The following FMO5 variants were observed in gnomAD, a reference collection of about 807,000 sequenced individuals.
The protein encoded by FMO5 is flavin-containing monooxygenase 5.
In FMO5, 51 loss-of-function variants were observed where a neutral mutation model predicts 43.6. The observed-to-expected ratio is 1.17, with a 90% CI of 0.93 to 1.48. FMO5 has a LOEUF of 1.48. FMO5 is among the 40% of genes most tolerant of loss of function. The pLI, the probability that FMO5 is intolerant of heterozygous loss-of-function variation, is 0.00. For missense variants in FMO5, 644 were observed against 643.0 expected (o/e 1.00, Z -0.02); for synonymous variants, 187 against 216.5 (o/e 0.86, Z 1.20).
At chr1:147,224,764 C>G in intron 2 of FMO5, 131 bp downstream of exon 2, 2 of 783,924 alleles carry the variant, frequency 2.6e-6, no homozygotes, top group Non-Finnish European at 4.2e-6. Flanking sequence ...CCCGCCTCGG[C>G]CTCCCAAAGT....
In FMO5 at chr1:147,187,014, C is replaced by T; in HGVS notation, c.1488G>A (p.Arg496=). 6.2e-7 allele frequency: 1 copy of T among 1,614,112 alleles called. No individual in the cohort carries two copies. Among genetic ancestry groups the T allele is most frequent in the Non-Finnish European group, 8.5e-7 (1 of 1,179,962 alleles). ...CAACTACTCTTGTCATCAGAGGCTT[C>T]CTGATGCGATCATCTGTGGTGAGGA... ...KAILTTDDRI[R]KPLMTRVVER... Residue 496 remains arginine (R), a synonymous_variant, in exon 9 of 9, where the codon AGG becomes AGA. Transcript: ENST00000254090.
At chr1:147,225,206 A>T (rs1339941771) in intron 1 of FMO5, 81 bp downstream of exon 1, 5 of 1,434,638 alleles carry the variant, frequency 3.5e-6, no homozygotes, top group Middle Eastern at 1.9e-4. Flanking sequence ...TCACCAGAGG[A>T]AATCTTTCTG....
chr1:147,218,573 G>A (rs1283745783), intron 2 of FMO5, among the ~76,000 whole-genome samples: 1 of 152,062 alleles, frequency 6.6e-6, no homozygotes, highest in Non-Finnish European at 1.5e-5. Context: ...CACTCCATGG[G>A]TATCCTGATA....
At chr1:147,207,307 T>C (rs1660273331) in intron 6 of FMO5, among the ~76,000 whole-genome samples, 1 of 152,320 alleles carries the variant, frequency 6.6e-6, no homozygotes, top group East Asian at 1.9e-4. Flanking sequence ...TATAGCAAAC[T>C]TAACAGGTGA....
chr1:147,220,775 C>T (rs1553926054), intron 2 of FMO5, among the ~76,000 whole-genome samples: 1 of 152,094 alleles, frequency 6.6e-6, no homozygotes, highest in African/African-American at 2.4e-5. Flanking sequence ...CAGCCCCATA[C>T]AATTTATCCT....
chr1:147,225,249 C>T, intron 1 of FMO5, 38 bp downstream of exon 1: 1 of 1,296,254 alleles, frequency 7.7e-7, no homozygotes, highest in Non-Finnish European at 1.0e-6. Flanking sequence ...CTGCAAGACC[C>T]AGAGCTGAGA....
intron 5 of FMO5, among the ~76,000 whole-genome samples, 161 bp from the exon 6 acceptor site, chr1:147,209,212 G>T (rs974669467): frequency 9.9e-5 from 15 of 152,122 alleles, no homozygotes; most frequent in African/African-American, 3.6e-4. Context: ...GAGGTCAGGA[G>T]ATCGAGACCA....
At chr1:147,188,682 A>C (rs149292768) in intron 8 of FMO5, among the ~76,000 whole-genome samples, 5,564 of 151,760 alleles carry the variant, frequency 0.037, 144 homozygotes, top group South Asian at 0.095. Context: ...ACATATGTAA[A>C]AAACCTGCAC....
At chr1:147,198,872 A>AAAAAAAAAG (rs1553920319) in intron 7 of FMO5, among the ~76,000 whole-genome samples, 33 of 144,636 alleles carry the variant, frequency 2.3e-4, no homozygotes, top group South Asian at 6.9e-4. Flanking sequence ...AAAAAAAAAA[A>AAAAAAAAAG]AAAGAAAGAA....
At chr1:147,211,054 T>C (rs971763060) in intron 5 of FMO5, 32 of 152,202 alleles carry the variant, frequency 2.1e-4, no homozygotes, top group African/African-American at 4.1e-4. Context: ...AACTCAGCAA[T>C]TGAGTTTCTT....
At chr1:147,188,777 G>T (rs1021655501) in intron 8 of FMO5, among the ~76,000 whole-genome samples, 2 of 149,886 alleles carry the variant, frequency 1.3e-5, no homozygotes, top group Non-Finnish European at 3.0e-5. Context: ...AAAAAAAAAG[G>T]TTACATTATA....
rs201690973 is a variant in FMO5 at position 147,215,918 on chromosome 1, T to C, written c.160A>G (p.Ser54Gly). The stretch of plus-strand genomic sequence containing the variant: ...TTGATGATCACTGATTTGTAAATAC[T>C]GGCCCTTCCTTCTTCAGGATTTTCC... Reference protein sequence around the residue: ...FQENPEEGRASIYKSVIINTS... With the variant: ...FQENPEEGRAGIYKSVIINTS... The change falls in exon 3 of 9, where the codon AGT (serine) becomes GGT (glycine). Residue 54 changes from serine to glycine, a missense_variant. Transcript: ENST00000254090. The C allele has an allele frequency of 6.2e-7, 1 of 1,607,718 alleles. No individual in the cohort carries two copies. Among genetic ancestry groups the C allele is most frequent in the East Asian group, 2.2e-5 (1 of 44,784 alleles).
At chr1:147,225,190 T>G in intron 1 of FMO5, 97 bp downstream of exon 1, 1 of 1,460,690 alleles carries the variant, frequency 6.8e-7, no homozygotes. Context: ...GATTCGACGG[T>G]CCTCTTCACC....
intron 7 of FMO5, among the ~76,000 whole-genome samples, chr1:147,190,832 A>T (rs1208971528): frequency 6.6e-6 from 1 of 151,312 alleles, no homozygotes; most frequent in Non-Finnish European, 1.5e-5. Context: ...ATCCCTCCCC[A>T]CTACCCCCAC....
At chr1:147,194,132 G>A (rs191383455) in intron 7 of FMO5, among the ~76,000 whole-genome samples, 434 of 152,210 alleles carry the variant, frequency 2.9e-3, no homozygotes, top group African/African-American at 8.9e-3. Flanking sequence ...TTATTATTGC[G>A]TGGGAGTCTA....
intron 6 of FMO5, among the ~76,000 whole-genome samples, chr1:147,207,137 T>A (rs905116974): frequency 1.3e-5 from 2 of 152,122 alleles, no homozygotes; most frequent in Non-Finnish European, 2.9e-5. Flanking sequence ...TATATGATGG[T>A]TATGTAGGAG....
At chr1:147,226,492 A>G (rs1663992412), upstream of FMO5, among the ~76,000 whole-genome samples, 1 of 152,204 alleles carries the variant, frequency 6.6e-6, no homozygotes, top group African/African-American at 2.4e-5. Context: ...AATACAAAAT[A>G]TCCACTTCTA....
At chr1:147,200,311 C>T (rs587675426) in intron 7 of FMO5, among the ~76,000 whole-genome samples, 3 of 152,284 alleles carry the variant, frequency 2.0e-5, no homozygotes, top group Admixed American at 1.3e-4. Context: ...AGGAAATTCT[C>T]ATATCTCTCC....
At chr1:147,205,663 G>A (rs1659861362) in intron 6 of FMO5, among the ~76,000 whole-genome samples, 1 of 152,076 alleles carries the variant, frequency 6.6e-6, no homozygotes, top group Admixed American at 6.6e-5. Flanking sequence ...CAAGAAATGG[G>A]GAAAGGATTC....
Sources: allele counts gnomAD v4.1 joint callset (sites outside exome capture counted in the v4.1 genomes callset), GRCh38; gene constraint gnomAD v4.1.1; transcripts MANE v1.5; gene names NCBI Gene and HGNC (gene_info 2026-07-23, HGNC 2026-07-21).